Variants in XYLB observed in about 807,000 individuals in gnomAD.
XYLB encodes xylulose kinase.
In XYLB, 62 loss-of-function variants were observed where a neutral mutation model predicts 78.7. The ratio of observed to expected loss-of-function variants is 0.79; its 90% CI spans 0.64 to 0.97. XYLB has a LOEUF of 0.97. Among genes scored for constraint, XYLB ranks in the 50% least tolerant of loss-of-function variants. The probability of loss-of-function intolerance (pLI) is 0.00; values close to 1 mark genes in which losing one functional copy is unlikely to be tolerated. For synonymous variants in XYLB, 245 were observed against 247.4 expected, an observed-to-expected ratio of 0.99 and a Z score of 0.09; for missense variants, 687 against 676.8, an observed-to-expected ratio of 1.02 and a Z score of -0.17.
At chr3:38,367,229 A>G (rs1363750657) in intron 7 of XYLB, among the ~76,000 whole-genome samples, 2 of 152,204 alleles carry the variant, frequency 1.3e-5, no homozygotes, top group Non-Finnish European at 2.9e-5. Context: ...GCTACCAGGC[A>G]CATGATTGGC....
In XYLB at chr3:38,394,879, A is replaced by G. The variant is rs539812600; in HGVS notation, c.1292-626A>G. The stretch of plus-strand genomic sequence containing the variant: ...GAGGCCTCAGTCTCCTGCCATGTAG[A>G]CCTCTCCCTAGGGCTGCTTGAGTGT... On this transcript the variant is annotated intron_variant, in intron 15 of 18. Coordinates refer to ENST00000207870, the MANE Select transcript of XYLB (RefSeq NM_005108.4). Among the ~76,000 whole-genome samples the G allele has an allele frequency of 2.4e-4, 36 of 151,994 alleles. No homozygotes were observed. In the Middle Eastern group the frequency reaches 0.014, roughly 57 times the overall value.
At chr3:38,365,137 T>A in intron 4 of XYLB, 62 bp from the exon 5 acceptor site, 1 of 1,521,778 alleles carries the variant, frequency 6.6e-7, no homozygotes, top group Non-Finnish European at 9.1e-7. Context: ...TCTTTCTGTG[T>A]CTTCAGGAGG....
Position 38,413,365 on chromosome 3 carries a change from T to G in XYLB, c.*352T>G, listed in dbSNP as rs367850533. On this transcript the variant is annotated 3_prime_UTR_variant, in exon 19 of 19. Transcript: ENST00000207870. ...AATCTAGGGACTCAAATCAGCAGAATGGGGGAGACAAAGCCCGGTCTCACC... is the reference window on the plus strand; with the variant it reads ...AATCTAGGGACTCAAATCAGCAGAAGGGGGGAGACAAAGCCCGGTCTCACC... 346 of 204,708 alleles carry G rather than the reference T, an allele frequency of 1.7e-3. 2 individuals carry two copies. The highest frequency in any genetic ancestry group is 6.9e-3 in the African/African-American group (301 of 43,380). 12.7% of individuals were successfully genotyped at this position (204,708 alleles called of 1,614,324 possible).
chr3:38,389,016 AC>A, intron 15 of XYLB, among the ~76,000 whole-genome samples: 1 of 148,626 alleles, frequency 6.7e-6, no homozygotes. Flanking sequence ...GGGTCATAGG[AC>A]AATAGTGGAG....
chr3:38,421,894 G>T (rs1708990666), downstream of XYLB, among the ~76,000 whole-genome samples: 2 of 152,166 alleles, frequency 1.3e-5, no homozygotes, highest in African/African-American at 4.8e-5. Flanking sequence ...AGTTGCCCCA[G>T]TGACTGAGCA....
chr3:38,383,992 G>A (rs1178624678), intron 15 of XYLB, among the ~76,000 whole-genome samples: 2 of 152,060 alleles, frequency 1.3e-5, no homozygotes, highest in Non-Finnish European at 1.5e-5. Context: ...GCGTATGATG[G>A]CCAGGTTACT....
intron 2 of XYLB, among the ~76,000 whole-genome samples, chr3:38,351,834 T>A (rs927026011): frequency 6.6e-6 from 1 of 152,260 alleles, no homozygotes; most frequent in African/African-American, 2.4e-5. Context: ...TCCATGTTGC[T>A]ACATGTGGCA....
At chr3:38,450,370 T>A in the XYLB span, among the ~76,000 whole-genome samples, 1 of 152,260 alleles carries the variant, frequency 6.6e-6, no homozygotes, top group South Asian at 2.1e-4. Context: ...TACAATGCTA[T>A]AGTTTTCCAT....
the XYLB span, among the ~76,000 whole-genome samples, chr3:38,444,426 G>A: frequency 6.6e-6 from 1 of 152,136 alleles, no homozygotes; most frequent in African/African-American, 2.4e-5. Context: ...TAGGATAATG[G>A]GGGTAAGCTG....
rs527750375 is a variant in XYLB at position 38,375,341 on chromosome 3, A to G, written c.1004+82A>G. On this transcript the variant is annotated intron_variant, in intron 12 of 18. Transcript: ENST00000207870. ...GGCACCATCTTGAGGACCCCAAGTC[A>G]TTCCACTAAGCTCTGGAATGACTCC... 2.1e-5 allele frequency: 25 copies of G among 1,215,808 alleles called. 1 individual carries two copies. The South Asian group carries it at 3.1e-4, about 15-fold the overall frequency. The allele number at this position is 1,215,808 out of a possible 1,614,324, so 75.3% of individuals were successfully genotyped here.
At chr3:38,441,326 G>T in the XYLB span, among the ~76,000 whole-genome samples, 1 of 152,240 alleles carries the variant, frequency 6.6e-6, no homozygotes, top group South Asian at 2.1e-4. Flanking sequence ...CTAACTGATC[G>T]CTGGTCCCTG....
At chr3:38,370,376 G>A (rs1376171807) in intron 9 of XYLB, 1 of 512,568 alleles carries the variant, frequency 2.0e-6, no homozygotes, top group African/African-American at 1.9e-5. Context: ...GCACACAGTA[G>A]GTGCTCAGGT....
chr3:38,435,742 A>G, the XYLB span, among the ~76,000 whole-genome samples: 7,383 of 152,310 alleles, frequency 0.048, 229 homozygotes, highest in Middle Eastern at 0.11. Flanking sequence ...CATATCAAGT[A>G]TCTCCTCTGA....
chr3:38,406,315 C>T (rs1708320018), intron 18 of XYLB, among the ~76,000 whole-genome samples: 1 of 152,250 alleles, frequency 6.6e-6, no homozygotes, highest in African/African-American at 2.4e-5. Context: ...AACAGACCTG[C>T]AGCTGAGGGT....
intron 14 of XYLB, 87 bp downstream of exon 14, chr3:38,377,078 A>G: frequency 8.3e-7 from 1 of 1,206,582 alleles, no homozygotes; most frequent in East Asian, 2.3e-5. Context: ...TGTTACTTTT[A>G]GGGACTTCAT....
chr3:38,362,344 C>A (rs1706017923), intron 3 of XYLB, among the ~76,000 whole-genome samples: 2 of 152,182 alleles, frequency 1.3e-5, no homozygotes, highest in African/African-American at 2.4e-5. Context: ...GCTCAGGTAT[C>A]CTCCCTCCTC....
At chr3:38,347,998 A>T (rs1705161682) in intron 1 of XYLB, among the ~76,000 whole-genome samples, 1 of 152,164 alleles carries the variant, frequency 6.6e-6, no homozygotes, top group South Asian at 2.1e-4. Flanking sequence ...ACTCTGGATG[A>T]CTCGAGTTGC....
At chr3:38,428,975 C>T in the XYLB span, among the ~76,000 whole-genome samples, 2 of 152,208 alleles carry the variant, frequency 1.3e-5, no homozygotes, top group African/African-American at 4.8e-5. Context: ...GTTTCCCCTG[C>T]TGGGAGACCT....
At chr3:38,430,535 C>T in the XYLB span, among the ~76,000 whole-genome samples, 1 of 152,188 alleles carries the variant, frequency 6.6e-6, no homozygotes. Flanking sequence ...GTTTCTTTTG[C>T]TGTGCAGAAG....
Sources: allele counts gnomAD v4.1 joint callset (sites outside exome capture counted in the v4.1 genomes callset), GRCh38; gene constraint gnomAD v4.1.1; transcripts MANE v1.5; gene names NCBI Gene and HGNC (gene_info 2026-07-23, HGNC 2026-07-21).